Variants in POTEJ observed in about 807,000 individuals in gnomAD.
The protein encoded by POTEJ is POTE ankyrin domain family, member J.
Under a neutral mutation model 69.0 loss-of-function variants are expected in POTEJ, and 11 were observed. That is an observed-to-expected ratio of 0.16 (90% CI 0.10 to 0.26). The LOEUF is 0.26. Ranked by LOEUF, POTEJ falls within the 10% of genes least tolerant of loss-of-function variation. POTEJ has a pLI of 1.00. For missense variants in POTEJ, 327 were observed against 1,045.5 expected (o/e 0.31, Z 9.48); for synonymous variants, 117 against 381.1 (o/e 0.31, Z 8.07).
rs541899850 is a variant in POTEJ, at chr2:130,647,022, T to C, written c.1667+712T>C. ...TATAGATATGTTATATGTATACTTA[T>C]GTATAAGGACATTTATTATAGTATT... On this transcript the variant is annotated intron_variant, in intron 13 of 14. Coordinates refer to ENST00000409602, the MANE Select transcript of POTEJ (RefSeq NM_001277083.2). Among the ~76,000 whole-genome samples, 8 of 150,336 alleles carry C rather than the reference T, an allele frequency of 5.3e-5. No individual in the cohort carries two copies. The South Asian group carries it at 1.0e-3, about 19-fold the overall frequency.
At chr2:130,640,024 T>A (rs1361544383) in intron 10 of POTEJ, among the ~76,000 whole-genome samples, 1 of 151,594 alleles carries the variant, frequency 6.6e-6, no homozygotes, top group African/African-American at 2.4e-5. Flanking sequence ...TTATTATATG[T>A]GATATTGATT....
intron 6 of POTEJ, among the ~76,000 whole-genome samples, chr2:130,625,096 A>G (rs1685655048): frequency 6.6e-6 from 1 of 152,304 alleles, no homozygotes; most frequent in Admixed American, 6.5e-5. Context: ...GTATGAGGAC[A>G]CCTTTAATTT....
chr2:130,657,371 A>G lies in POTEJ; in HGVS notation c.2611A>G (p.Ile871Val). The G allele has an allele frequency of 1.3e-6, 2 of 1,582,456 alleles. No homozygotes were observed. Among genetic ancestry groups the G allele is most frequent in the Non-Finnish European group, 1.7e-6 (2 of 1,157,572 alleles). Residue 871 changes from isoleucine (I) to valine (V), a missense_variant, in exon 15 of 15, where the codon ATC (isoleucine) becomes GTC (valine). Physicochemically the swap from Ile to Val is conservative, Grantham distance 29. Transcript: ENST00000409602. ...YRFTTMAERE[I>V]VRDIKEKLCY... ...GTTCACCACCATGGCCGAGCGGGAA[A>G]TCGTGCGTGACATCAAAGAGAAGCT...
At chr2:130,643,595 T>C (rs1365518686) in intron 10 of POTEJ, among the ~76,000 whole-genome samples, 1 of 145,004 alleles carries the variant, frequency 6.9e-6, no homozygotes, top group Non-Finnish European at 1.5e-5. Flanking sequence ...AGGAAGATGT[T>C]GTACACTAAT....
intron 11 of POTEJ, among the ~76,000 whole-genome samples, chr2:130,644,468 GA>G (rs1265792619): frequency 1.3e-5 from 2 of 152,000 alleles, no homozygotes; most frequent in African/African-American, 4.8e-5. Flanking sequence ...GACTCCATCT[GA>G]AAAAAATATA....
intron 9 of POTEJ, among the ~76,000 whole-genome samples, chr2:130,634,024 A>G (rs1444551393): frequency 6.6e-6 from 1 of 150,810 alleles, no homozygotes; most frequent in Non-Finnish European, 1.5e-5. Context: ...TGATCCTCCC[A>G]CCTCAGCCTC....
intron 13 of POTEJ, among the ~76,000 whole-genome samples, chr2:130,649,559 G>A (rs1437792849): frequency 6.8e-4 from 103 of 150,620 alleles, no homozygotes; most frequent in Middle Eastern, 3.4e-3. Flanking sequence ...TATCTCAGTG[G>A]ATGTATTTAA....
chr2:130,633,062 C>A (rs1360219801), intron 9 of POTEJ, among the ~76,000 whole-genome samples: 1 of 145,292 alleles, frequency 6.9e-6, no homozygotes, highest in African/African-American at 2.7e-5. Context: ...TTCAAGTAGA[C>A]CCTGGTGCCT....
At chr2:130,622,650 A>AT (rs1685579156) in intron 5 of POTEJ, among the ~76,000 whole-genome samples, 1 of 138,862 alleles carries the variant, frequency 7.2e-6, no homozygotes, top group Non-Finnish European at 1.5e-5. Context: ...GAGTGATCTG[A>AT]TTTACATGAT....
chr2:130,656,508 A>G (rs1686993537), intron 14 of POTEJ, 41 bp from the exon 15 acceptor site: 10 of 1,587,682 alleles, frequency 6.3e-6, no homozygotes, highest in Non-Finnish European at 8.6e-6. Flanking sequence ...TGTTATGTCA[A>G]TCTATTGAGT....
intron 5 of POTEJ, among the ~76,000 whole-genome samples, chr2:130,623,853 T>C (rs1276511174): frequency 1.0e-4 from 13 of 128,208 alleles, no homozygotes; most frequent in Admixed American, 8.4e-4. Flanking sequence ...ACAGTGCCCT[T>C]GATTTATGAG....
intron 5 of POTEJ, among the ~76,000 whole-genome samples, chr2:130,622,637 C>A: frequency 7.2e-6 from 1 of 138,788 alleles, no homozygotes. Context: ...TGGTTGGCCC[C>A]TTGAGTGATC....
intron 14 of POTEJ, among the ~76,000 whole-genome samples, chr2:130,655,487 A>T (rs1686953726): frequency 2.0e-5 from 3 of 152,248 alleles, no homozygotes; most frequent in African/African-American, 7.2e-5. Flanking sequence ...TGCAGAGAGG[A>T]ACAGTTTGCT....
intron 10 of POTEJ, among the ~76,000 whole-genome samples, chr2:130,642,656 G>A (rs1686431611): frequency 6.6e-6 from 1 of 152,142 alleles, no homozygotes. Flanking sequence ...TAATGTCCAA[G>A]CATCTTAAAA....
intron 7 of POTEJ, among the ~76,000 whole-genome samples, chr2:130,631,005 G>C (rs1330840461): frequency 6.9e-6 from 1 of 144,030 alleles, no homozygotes; most frequent in Non-Finnish European, 1.5e-5. Context: ...AGGGTTTCAT[G>C]AGGTAAACTC....
At chr2:130,643,577 T>C (rs1312073018) in intron 10 of POTEJ, among the ~76,000 whole-genome samples, 8 of 144,326 alleles carry the variant, frequency 5.5e-5, no homozygotes, top group African/African-American at 2.0e-4. Context: ...GGAAACATTT[T>C]AGATATTAGG....
At chr2:130,637,406 C>T (rs865826489) in intron 9 of POTEJ, among the ~76,000 whole-genome samples, 2 of 150,416 alleles carry the variant, frequency 1.3e-5, no homozygotes, top group Middle Eastern at 3.4e-3. Flanking sequence ...AACGTGGGTT[C>T]ATGCATTTCT....
chr2:130,632,273 A>C (rs1282583018), intron 8 of POTEJ, among the ~76,000 whole-genome samples: 1 of 149,412 alleles, frequency 6.7e-6, no homozygotes, highest in East Asian at 1.9e-4. Context: ...ATTGAAACAG[A>C]AATGAAGCAA....
chr2:130,622,670 T>C lies in POTEJ; in HGVS notation c.944+1067T>C, dbSNP rs1405510829. On this transcript the variant is annotated intron_variant, in intron 5 of 14. Coordinates refer to ENST00000409602, the MANE Select transcript of POTEJ (RefSeq NM_001277083.2). ...ATCTGATTTACATGATAATGAAAATTGTCCCAGCTACTTCCATCTCTAGCT... is the reference window on the plus strand; with the variant it reads ...ATCTGATTTACATGATAATGAAAATCGTCCCAGCTACTTCCATCTCTAGCT... Among the ~76,000 whole-genome samples, 6 of 135,836 alleles carry C rather than the reference T, an allele frequency of 4.4e-5. 2 individuals carry two copies. The highest frequency in any genetic ancestry group is 1.5e-4 in the Admixed American group (2 of 13,730). 89.1% of individuals were successfully genotyped at this position (135,836 alleles called of 152,430 possible).
Sources: allele counts gnomAD v4.1 joint callset (sites outside exome capture counted in the v4.1 genomes callset), GRCh38; gene constraint gnomAD v4.1.1; transcripts MANE v1.5; gene names NCBI Gene and HGNC (gene_info 2026-07-23, HGNC 2026-07-21).